The following MALRD1 variants were observed in gnomAD, a reference collection of about 807,000 sequenced individuals.
The protein encoded by MALRD1 is MAM and LDL-receptor class A domain-containing protein 1.
In MALRD1, 247 loss-of-function variants were observed where a neutral mutation model predicts 242.1. That is an observed-to-expected ratio of 1.02 (90% CI 0.92 to 1.13). The LOEUF (loss-of-function observed/expected upper bound fraction) is 1.13, where lower values mean the gene tolerates loss of function less well. Among genes scored for constraint, MALRD1 ranks in the 50% most tolerant of loss-of-function variants. The pLI, the probability that MALRD1 is intolerant of heterozygous loss-of-function variation, is 0.00. For synonymous variants in MALRD1, 995 were observed against 866.6 expected, an observed-to-expected ratio of 1.15 and a Z score of -2.60; for missense variants, 2,989 against 2,533.1, an observed-to-expected ratio of 1.18 and a Z score of -3.86.
Position 19,560,801 on chromosome 10 carries a change from G to A in MALRD1, c.5479-6701G>A, listed in dbSNP as rs569035094. ...CACAGGGAGTGGAACATCACACACT[G>A]GGGCCTGTTGGGGTGGGGGATAGGG... On this transcript the variant is annotated intron_variant, in intron 32 of 39. Transcript: ENST00000454679. Among the ~76,000 whole-genome samples the A allele has an allele frequency of 4.6e-5, 7 of 152,062 alleles. No individual in the cohort carries two copies. In the East Asian group the frequency reaches 1.4e-3, roughly 30 times the overall value.
At chr10:19,050,949 T>A (rs1005103254) in intron 1 of MALRD1, among the ~76,000 whole-genome samples, 1 of 152,224 alleles carries the variant, frequency 6.6e-6, no homozygotes, top group African/African-American at 2.4e-5. Context: ...AAAATTCTAA[T>A]AACATACAGC....
chr10:19,572,772 T>C (rs565299985), intron 33 of MALRD1, among the ~76,000 whole-genome samples: 3 of 152,016 alleles, frequency 2.0e-5, no homozygotes, highest in Non-Finnish European at 2.9e-5. Flanking sequence ...GAGAGTACCA[T>C]GTAATGAAGG....
At chr10:19,708,129 G>T (rs1748015023) in intron 38 of MALRD1, among the ~76,000 whole-genome samples, 1 of 119,842 alleles carries the variant, frequency 8.3e-6, no homozygotes, top group Non-Finnish European at 1.9e-5. Flanking sequence ...ATAATGCTGA[G>T]ATCTGAAAAC....
intron 31 of MALRD1, among the ~76,000 whole-genome samples, chr10:19,515,959 T>A (rs1833609365): frequency 2.0e-5 from 3 of 152,204 alleles, no homozygotes; most frequent in Admixed American, 1.3e-4. Flanking sequence ...ACCTATTTAA[T>A]TCACTTGTTT....
chr10:19,112,137 T>A (rs1037626203), intron 5 of MALRD1, among the ~76,000 whole-genome samples: 6 of 146,790 alleles, frequency 4.1e-5, no homozygotes, highest in African/African-American at 1.3e-4. Context: ...GAATTTTAAA[T>A]AAGATTCTCA....
intron 28 of MALRD1, among the ~76,000 whole-genome samples, chr10:19,449,425 G>A (rs537852987): frequency 6.6e-6 from 1 of 152,134 alleles, no homozygotes; most frequent in East Asian, 1.9e-4. Context: ...TCCGAGTAGA[G>A]CAATTTATAA....
intron 28 of MALRD1, among the ~76,000 whole-genome samples, chr10:19,419,627 C>T (rs1360614345): frequency 1.3e-5 from 2 of 152,198 alleles, no homozygotes; most frequent in Non-Finnish European, 1.5e-5. Context: ...GCTGATTTTC[C>T]TTCTTTCAAA....
At chr10:19,344,005 A>G (rs545699407) in intron 24 of MALRD1, among the ~76,000 whole-genome samples, 1 of 152,090 alleles carries the variant, frequency 6.6e-6, no homozygotes, top group Non-Finnish European at 1.5e-5. Flanking sequence ...CTCTAATTAG[A>G]CTTCTTTTTA....
At chr10:19,087,550 T>A (rs2131295837) in intron 2 of MALRD1, among the ~76,000 whole-genome samples, 1 of 144,450 alleles carries the variant, frequency 6.9e-6, no homozygotes, top group East Asian at 1.9e-4. Context: ...TCGTTTCTTT[T>A]TTTTTTTTTT....
At chr10:19,065,263 G>A (rs1590378776) in intron 1 of MALRD1, among the ~76,000 whole-genome samples, 2 of 99,642 alleles carry the variant, frequency 2.0e-5, no homozygotes, top group East Asian at 6.4e-4. Context: ...CTCCAGCCTG[G>A]GCAACAAGAG....
chr10:19,524,742 A>G (rs1460007731), intron 31 of MALRD1, among the ~76,000 whole-genome samples: 2 of 152,180 alleles, frequency 1.3e-5, no homozygotes, highest in African/African-American at 2.4e-5. Context: ...AAAAAAGTCT[A>G]AAACTGAGTC....
chr10:19,537,252 A>G (rs1445854174), intron 32 of MALRD1, among the ~76,000 whole-genome samples: 2 of 152,176 alleles, frequency 1.3e-5, no homozygotes, highest in African/African-American at 2.4e-5. Context: ...TGGCTGCTAT[A>G]TGGAAAAGGG....
chr10:19,397,949 T>C (rs1052101303), intron 28 of MALRD1, among the ~76,000 whole-genome samples: 1 of 152,034 alleles, frequency 6.6e-6, no homozygotes, highest in African/African-American at 2.4e-5. Flanking sequence ...TGGCCATGTA[T>C]ATGCTCTCAT....
chr10:19,170,721 A>G (rs780768150), intron 13 of MALRD1, among the ~76,000 whole-genome samples: 3 of 152,184 alleles, frequency 2.0e-5, no homozygotes, highest in Non-Finnish European at 4.4e-5. Flanking sequence ...GCAGGATAGT[A>G]TAATCATTAA....
intron 38 of MALRD1, among the ~76,000 whole-genome samples, chr10:19,709,682 G>A (rs767848038): frequency 2.0e-5 from 3 of 151,950 alleles, no homozygotes; most frequent in Non-Finnish European, 4.4e-5. Context: ...TAGGGTGTCT[G>A]TAATTTGACT....
At chr10:19,175,686 A>C (rs948659796) in intron 14 of MALRD1, among the ~76,000 whole-genome samples, 1 of 152,010 alleles carries the variant, frequency 6.6e-6, no homozygotes, top group African/African-American at 2.4e-5. Flanking sequence ...TCAAATGAGC[A>C]TGTAATAATA....
At chr10:19,553,080 G>A (rs1259212090) in intron 32 of MALRD1, among the ~76,000 whole-genome samples, 4 of 151,986 alleles carry the variant, frequency 2.6e-5, no homozygotes, top group Non-Finnish European at 5.9e-5. Context: ...ATGTTTAAAA[G>A]TCCTAAGAGG....
At chr10:19,294,991 C>A (rs1045512509) in intron 21 of MALRD1, among the ~76,000 whole-genome samples, 1 of 151,908 alleles carries the variant, frequency 6.6e-6, no homozygotes, top group African/African-American at 2.4e-5. Flanking sequence ...AATCTGTAAT[C>A]ATCTATTTAT....
At chr10:19,454,719 C>A (rs1277466435) in intron 29 of MALRD1, among the ~76,000 whole-genome samples, 1 of 107,056 alleles carries the variant, frequency 9.3e-6, no homozygotes, top group African/African-American at 4.9e-5. Context: ...CACGTACACA[C>A]ACACACACAC....
Sources: allele counts gnomAD v4.1 joint callset (sites outside exome capture counted in the v4.1 genomes callset), GRCh38; gene constraint gnomAD v4.1.1; transcripts MANE v1.5; gene names NCBI Gene and HGNC (gene_info 2026-07-23, HGNC 2026-07-21).